The following PLEKHG3 variants were observed in gnomAD, a reference collection of about 807,000 sequenced individuals.
PLEKHG3 encodes the protein pleckstrin homology domain-containing family G member 3.
In PLEKHG3, 62 loss-of-function variants were observed where a neutral mutation model predicts 94.9. That is an observed-to-expected ratio of 0.65 (90% CI 0.53 to 0.81). The LOEUF (loss-of-function observed/expected upper bound fraction) is 0.81, where lower values mean the gene tolerates loss of function less well. Ranked by LOEUF, PLEKHG3 falls within the 30% of genes least tolerant of loss-of-function variation. The probability of loss-of-function intolerance (pLI) is 0.00; values close to 1 mark genes in which losing one functional copy is unlikely to be tolerated. For missense variants in PLEKHG3, 1,461 were observed against 1,619.3 expected (o/e 0.90, Z 1.68); for synonymous variants, 614 against 654.0 (o/e 0.94, Z 0.93).
Position 64,739,775 on chromosome 14 carries a change from T to G in PLEKHG3, c.1518+920T>G, listed in dbSNP as rs229651. Among the ~76,000 whole-genome samples, 37,726 of 152,060 alleles carry G rather than the reference T, an allele frequency of 0.25. 5,033 individuals are homozygous for G. The highest frequency in any genetic ancestry group is 0.33 in the African/African-American group (13,574 of 41,460). On this transcript the variant is annotated intron_variant, in intron 15 of 16. Coordinates refer to ENST00000247226, the MANE Select transcript of PLEKHG3 (RefSeq NM_001308147.2). This position sits in a 1 kb window ranked among gnomAD's most constrained non-coding sequence, Gnocchi z 4.1. ...CAAAGGGGCAAGGAAGCTCCCTTGA[T>G]CCTCATTTGTAAGGGATCTGACCCC...
At chr14:64,729,471 G>A (rs2081417042) in intron 3 of PLEKHG3, among the ~76,000 whole-genome samples, 2 of 152,110 alleles carry the variant, frequency 1.3e-5, no homozygotes, top group African/African-American at 4.8e-5. Flanking sequence ...GACCCCAAGG[G>A]CTCCCTGGAG....
At chr14:64,713,253 G>T (rs982131805) in intron 1 of PLEKHG3, among the ~76,000 whole-genome samples, 1 of 152,140 alleles carries the variant, frequency 6.6e-6, no homozygotes, top group South Asian at 2.1e-4. Context: ...GGGATTGTAG[G>T]TTTCTTTTTT....
Position 64,728,450 on chromosome 14 carries a change from T to C in PLEKHG3, c.351+468T>C, listed in dbSNP as rs1188716035. ...TGCCCCACTGGCTCAGGGCGTGGAT[T>C]AGTTTCCTAGGGCTGCCTTAACAAA... On this transcript the variant is annotated intron_variant, in intron 2 of 16. Transcript: ENST00000247226. The surrounding 1 kb of genome is among the most constrained non-coding windows in gnomAD (Gnocchi z 5.9). Among the ~76,000 whole-genome samples, 1 of 152,244 alleles carries C rather than the reference T, an allele frequency of 6.6e-6. No individual in the cohort carries two copies. Among genetic ancestry groups the C allele is most frequent in the African/African-American group, 2.4e-5 (1 of 41,464 alleles).
intron 12 of PLEKHG3, among the ~76,000 whole-genome samples, chr14:64,733,338 TATTTTTTAGTAGAGATGGG>T (rs546834808): frequency 0.011 from 1,649 of 152,032 alleles, 28 homozygotes; most frequent in African/African-American, 0.038. Context: ...CTAATTTTTG[TATTTTTTAGTAGAGATGGG>T]ATTTCACTAT....
At position 64,732,541 on chromosome 14, in the gene PLEKHG3, T is replaced by G; in HGVS notation, c.1246+81T>G. Reference sequence around the variant, plus strand: ...GGCTGCATCCTGGGGAAGCTTTACCTGATAATTTTATTCCAGGAGCAGGGA... The same window carrying G: ...GGCTGCATCCTGGGGAAGCTTTACCGGATAATTTTATTCCAGGAGCAGGGA... On this transcript the variant is annotated intron_variant, in intron 11 of 16. Coordinates refer to ENST00000247226, the MANE Select transcript of PLEKHG3 (RefSeq NM_001308147.2). The surrounding 1 kb of genome is among the most constrained non-coding windows in gnomAD (Gnocchi z 4.9). 7.6e-7 allele frequency: 1 copy of G among 1,311,434 alleles called. No homozygotes were observed. The allele number at this position is 1,311,434 out of a possible 1,614,324, so 81.2% of individuals were successfully genotyped here. A position where few individuals can be genotyped will look rare whatever the true frequency, so the allele number is the denominator to read the frequency against.
chr14:64,736,736 G>C, intron 12 of PLEKHG3, 117 bp from the exon 13 acceptor site: 1 of 796,180 alleles, frequency 1.3e-6, no homozygotes, highest in Admixed American at 1.8e-5. Flanking sequence ...ACTGCAGGGG[G>C]CCAAGCCAGA....
intron 14 of PLEKHG3, 119 bp downstream of exon 14, chr14:64,737,494 C>A: frequency 1.5e-6 from 1 of 675,482 alleles, no homozygotes; most frequent in South Asian, 1.9e-5. Context: ...TACTAAGCAC[C>A]CACTGTGTAC....
intron 14 of PLEKHG3, chr14:64,737,996 G>A (rs1248955506): frequency 7.9e-7 from 1 of 1,263,202 alleles, no homozygotes; most frequent in Admixed American, 2.5e-5. Context: ...AGGAGGAGGA[G>A]GAGGAGGAAG....
intron 1 of PLEKHG3, among the ~76,000 whole-genome samples, chr14:64,708,471 C>G (rs1051217403): frequency 2.0e-5 from 3 of 152,000 alleles, no homozygotes; most frequent in Non-Finnish European, 4.4e-5. Context: ...CCTAGGAAAG[C>G]CCAGAAGGGT....
Position 64,730,153 on chromosome 14 carries a change from C to T in PLEKHG3, c.450-90C>T, listed in dbSNP as rs1176866883. 5.6e-6 allele frequency: 4 copies of T among 716,764 alleles called. No individual in the cohort carries two copies. Among genetic ancestry groups the T allele is most frequent in the East Asian group, 2.7e-5 (1 of 36,896 alleles). The allele number at this position is 716,764 out of a possible 1,614,324, so 44.4% of individuals were successfully genotyped here. A position where few individuals can be genotyped will look rare whatever the true frequency, so the allele number is the denominator to read the frequency against. ...TTAGCAAAGCAATAGGGCTGGCTGT[C>T]AGTCAGGGTTTGGGAGGTTGGGGAG... On this transcript the variant is annotated intron_variant, in intron 3 of 16. Transcript: ENST00000247226. The surrounding 1 kb of genome is among the most constrained non-coding windows in gnomAD (Gnocchi z 5.4).
intron 1 of PLEKHG3, among the ~76,000 whole-genome samples, chr14:64,708,144 C>T (rs2139355773): frequency 6.6e-6 from 1 of 152,214 alleles, no homozygotes; most frequent in African/African-American, 2.4e-5. Context: ...GGAGGCTTTC[C>T]TGCCCTACCC....
chr14:64,715,871 G>A lies in PLEKHG3; in HGVS notation c.-40+11167G>A, dbSNP rs2081131295. On this transcript the variant is annotated intron_variant, in intron 1 of 16. Coordinates refer to ENST00000247226, the MANE Select transcript of PLEKHG3 (RefSeq NM_001308147.2). The surrounding 1 kb of genome is among the most constrained non-coding windows in gnomAD (Gnocchi z 4.4). ...CCCAGCAATCAGGAATGAGAGAAATGCAGAAAGTATGACCCACACGCAGAA... is the reference window on the plus strand; with the variant it reads ...CCCAGCAATCAGGAATGAGAGAAATACAGAAAGTATGACCCACACGCAGAA... 2.9e-6 allele frequency: 1 copy of A among 346,684 alleles called. No homozygotes were observed. The highest frequency in any genetic ancestry group is 2.2e-5 in the African/African-American group (1 of 45,750). 21.5% of individuals were successfully genotyped at this position (346,684 alleles called of 1,614,324 possible).
rs1219723295 is a variant in PLEKHG3, at chr14:64,723,429, CAAAA to C, written c.-39-4160_-39-4157del. Among the ~76,000 whole-genome samples the C allele has an allele frequency of 5.3e-5, 8 of 151,598 alleles. No homozygotes were observed. Among genetic ancestry groups the C allele is most frequent in the African/African-American group, 1.9e-4 (8 of 41,252 alleles). On this transcript the variant is annotated intron_variant, in intron 1 of 16. Coordinates refer to ENST00000247226, the MANE Select transcript of PLEKHG3 (RefSeq NM_001308147.2). This position sits in a 1 kb window ranked among gnomAD's most constrained non-coding sequence, Gnocchi z 4.5. ...TGGGTGACAGAGGGAGACCCTGCCTCAAAAAAAGAGAAAAGTCTTTGGGGACCTG... is the reference window on the plus strand; with the variant it reads ...TGGGTGACAGAGGGAGACCCTGCCTCAAAGAGAAAAGTCTTTGGGGACCTG...
rs1168671292 is a variant in PLEKHG3 at position 64,749,630 on chromosome 14, C to T, written c.*5927C>T. ...CCACCTACCCCCTTCTTAGCCAGGT[C>T]TGGGCTAGGCTGCCCGCGCTTACCT... On this transcript the variant is annotated 3_prime_UTR_variant, in exon 17 of 17. Transcript: ENST00000247226. The surrounding 1 kb of genome is among the most constrained non-coding windows in gnomAD (Gnocchi z 4.7). The T allele has an allele frequency of 1.2e-6, 2 of 1,613,326 alleles. No individual in the cohort carries two copies. Among genetic ancestry groups the T allele is most frequent in the East Asian group, 4.5e-5 (2 of 44,862 alleles).
chr14:64,734,001 G>A (rs2139387372), intron 12 of PLEKHG3, among the ~76,000 whole-genome samples: 1 of 152,324 alleles, frequency 6.6e-6, no homozygotes, highest in Non-Finnish European at 1.5e-5. Flanking sequence ...GACTGAGAGT[G>A]GTGTCCTGGC....
intron 13 of PLEKHG3, 66 bp from the exon 14 acceptor site, chr14:64,737,290 A>G: frequency 1.6e-6 from 2 of 1,276,026 alleles, no homozygotes; most frequent in Non-Finnish European, 1.1e-6. Flanking sequence ...CTGCTTACTG[A>G]TCTCTTCCCC....
rs1435728606 is a variant in PLEKHG3, at chr14:64,736,315, C to G, written c.1346-538C>G. ...GGTCACTCTCCGTACAGCCGGGCAA[C>G]TCTCCCCAGCGGTCAGCGAGGCTTC... On this transcript the variant is annotated intron_variant, in intron 12 of 16. Coordinates refer to ENST00000247226, the MANE Select transcript of PLEKHG3 (RefSeq NM_001308147.2). 2.6e-5 allele frequency among the ~76,000 whole-genome samples: 4 copies of G among 152,390 alleles called. No individual in the cohort carries two copies. The East Asian group carries it at 7.7e-4, about 29-fold the overall frequency.
rs772004447 is a variant in PLEKHG3 at position 64,743,740 on chromosome 14, G to A, written c.*37G>A. Reference sequence around the variant, plus strand: ...GGGGGAGGGAGGAGTCATGTTGGAGGTTGGGGAAGAACCTGGGCATCCTTC... The same window carrying A: ...GGGGGAGGGAGGAGTCATGTTGGAGATTGGGGAAGAACCTGGGCATCCTTC... On this transcript the variant is annotated 3_prime_UTR_variant, in exon 17 of 17. Transcript: ENST00000247226. This position sits in a 1 kb window ranked among gnomAD's most constrained non-coding sequence, Gnocchi z 7.2. 8 of 1,507,660 alleles carry A rather than the reference G, an allele frequency of 5.3e-6. No individual in the cohort carries two copies. Among genetic ancestry groups the A allele is most frequent in the Non-Finnish European group, 7.1e-6 (8 of 1,133,486 alleles). The allele number at this position is 1,507,660 out of a possible 1,614,324, so 93.4% of individuals were successfully genotyped here.
At chr14:64,737,141 C>T (rs1367408626) in intron 13 of PLEKHG3, 5 of 641,636 alleles carry the variant, frequency 7.8e-6, no homozygotes, top group Admixed American at 5.0e-5. Context: ...GCAACAGGCA[C>T]AGACCTGCGC....
Sources: allele counts gnomAD v4.1 joint callset (sites outside exome capture counted in the v4.1 genomes callset), GRCh38; gene constraint gnomAD v4.1.1; non-coding constraint Gnocchi (gnomAD v3.1); transcripts MANE v1.5; gene names NCBI Gene and HGNC (gene_info 2026-07-23, HGNC 2026-07-21).